Variants in NTRK2 observed in about 807,000 individuals in gnomAD.
The protein encoded by NTRK2 is BDNF/NT-3 growth factors receptor.
Under a neutral mutation model 94.5 loss-of-function variants are expected in NTRK2, and 13 were observed. The observed-to-expected ratio is 0.14, with a 90% CI of 0.09 to 0.22. The LOEUF is 0.22. NTRK2 is among the 10% of genes least tolerant of loss of function. NTRK2 has a pLI of 1.00. For synonymous variants in NTRK2, 372 were observed against 407.4 expected (o/e 0.91, Z 1.05); for missense variants, 639 against 1,071.2 (o/e 0.60, Z 5.63).
chr9:84,931,418 G>A (rs1338580327), intron 14 of NTRK2, among the ~76,000 whole-genome samples: 2 of 104,672 alleles, frequency 1.9e-5, no homozygotes, highest in African/African-American at 3.5e-5. Flanking sequence ...AAAAAAAAAA[G>A]AGAGAGAGAG....
intron 14 of NTRK2, chr9:84,876,834 T>C (rs1450154878): frequency 1.9e-6 from 2 of 1,062,560 alleles, no homozygotes; most frequent in Admixed American, 5.4e-5. Context: ...TCAGAATGTA[T>C]ACATTTAGTC....
intron 9 of NTRK2, among the ~76,000 whole-genome samples, chr9:84,737,088 A>G (rs1368090409): frequency 6.6e-6 from 1 of 152,250 alleles, no homozygotes; most frequent in Non-Finnish European, 1.5e-5. Context: ...AGAGTCTGCA[A>G]ATAGAATGGA....
At chr9:84,973,904 A>G (rs1192678975) in intron 17 of NTRK2, among the ~76,000 whole-genome samples, 6 of 152,218 alleles carry the variant, frequency 3.9e-5, no homozygotes, top group African/African-American at 1.4e-4. Flanking sequence ...ACAAAGATAC[A>G]GTTTCTCCTA....
chr9:84,855,581 A>AT (rs377152273), intron 12 of NTRK2, among the ~76,000 whole-genome samples: 1,634 of 133,710 alleles, frequency 0.012, 17 homozygotes, highest in South Asian at 0.043. Context: ...CCTCAAGCAT[A>AT]TTTTTTTTTT....
chr9:84,906,037 A>G (rs1192310498), intron 14 of NTRK2, among the ~76,000 whole-genome samples: 1 of 152,240 alleles, frequency 6.6e-6, no homozygotes, highest in Non-Finnish European at 1.5e-5. Context: ...TGTGTGAAGC[A>G]AAAGAGACAT....
At chr9:84,748,350 A>G (rs937737863) in intron 11 of NTRK2, among the ~76,000 whole-genome samples, 3 of 152,274 alleles carry the variant, frequency 2.0e-5, no homozygotes, top group Non-Finnish European at 4.4e-5. Context: ...TGGCTTCAGT[A>G]GCTTTAAGTA....
At chr9:84,686,506 C>A (rs766243647) in intron 2 of NTRK2, among the ~76,000 whole-genome samples, 1 of 152,184 alleles carries the variant, frequency 6.6e-6, no homozygotes, top group Non-Finnish European at 1.5e-5. Context: ...GTTTTCCCTG[C>A]GACTGCATTT....
intron 12 of NTRK2, among the ~76,000 whole-genome samples, chr9:84,771,968 A>G (rs139235015): frequency 9.8e-5 from 15 of 152,308 alleles, no homozygotes; most frequent in African/African-American, 3.6e-4. Context: ...CCTTTGAGGC[A>G]AGATAGAGTA....
chr9:84,968,773 C>A (rs1588075468), intron 17 of NTRK2, among the ~76,000 whole-genome samples: 3 of 152,248 alleles, frequency 2.0e-5, no homozygotes, highest in East Asian at 1.9e-4. Flanking sequence ...GTGAAGTATA[C>A]ATATTATTAA....
At chr9:84,818,179 G>A (rs898337731) in intron 12 of NTRK2, among the ~76,000 whole-genome samples, 30 of 152,138 alleles carry the variant, frequency 2.0e-4, no homozygotes, top group African/African-American at 4.8e-4. Context: ...CATGAGGGAC[G>A]TGCCTCAGGT....
chr9:84,759,710 T>C (rs994430064), intron 12 of NTRK2, among the ~76,000 whole-genome samples: 1 of 152,250 alleles, frequency 6.6e-6, no homozygotes, highest in Admixed American at 6.5e-5. Flanking sequence ...ACTTTCAAAA[T>C]CTGAAAATCT....
chr9:84,966,993 C>T (rs905005513), intron 17 of NTRK2, among the ~76,000 whole-genome samples: 19 of 152,162 alleles, frequency 1.2e-4, no homozygotes, highest in Admixed American at 1.2e-3. Context: ...CACTAGTGCA[C>T]AGTCATATCC....
intron 12 of NTRK2, among the ~76,000 whole-genome samples, chr9:84,834,058 G>C (rs1345999038): frequency 6.6e-6 from 1 of 152,110 alleles, no homozygotes; most frequent in Non-Finnish European, 1.5e-5. Context: ...GTGTTATACT[G>C]TCACCTGCCT....
chr9:84,747,833 C>T (rs1588335445), intron 11 of NTRK2, among the ~76,000 whole-genome samples: 1 of 152,118 alleles, frequency 6.6e-6, no homozygotes, highest in African/African-American at 2.4e-5. Flanking sequence ...ATTGGCATAT[C>T]TCCATCTATA....
At chr9:84,956,721 T>C (rs147490037) in intron 17 of NTRK2, among the ~76,000 whole-genome samples, 1 of 152,326 alleles carries the variant, frequency 6.6e-6, no homozygotes, top group East Asian at 1.9e-4. Flanking sequence ...TTATTTCCTG[T>C]TCCCCTTCCT....
chr9:84,707,827 T>G lies in NTRK2; in HGVS notation c.360-17T>G. 1.2e-6 allele frequency: 2 copies of G among 1,600,146 alleles called. No homozygotes were observed. The highest frequency in any genetic ancestry group is 2.2e-5 in the South Asian group (2 of 90,528). Reference sequence around the variant, plus strand: ...TAACATTTTAAATTCATGTTTAATGTTTTTGATTCCTTTCAGCAATTTTAC... The same window carrying G: ...TAACATTTTAAATTCATGTTTAATGGTTTTGATTCCTTTCAGCAATTTTAC... On this transcript the variant is annotated splice_polypyrimidine_tract_variant and intron_variant, in intron 4 of 18. Coordinates refer to ENST00000277120, the MANE Select transcript of NTRK2 (RefSeq NM_006180.6).
At chr9:84,815,003 G>C in intron 12 of NTRK2, 1 of 1,059,772 alleles carries the variant, frequency 9.4e-7, no homozygotes, top group Non-Finnish European at 1.1e-6. Context: ...CTTTTGGACA[G>C]ACCATGAATT....
intron 12 of NTRK2, among the ~76,000 whole-genome samples, chr9:84,860,161 A>G (rs907072143): frequency 2.6e-5 from 4 of 152,190 alleles, no homozygotes; most frequent in Non-Finnish European, 4.4e-5. Flanking sequence ...GAGGAGGGAA[A>G]CACAGTTACT....
chr9:84,741,830 G>T, intron 9 of NTRK2, 62 bp from the exon 10 acceptor site: 1 of 1,406,644 alleles, frequency 7.1e-7, no homozygotes, highest in Non-Finnish European at 1.0e-6. Context: ...GTTGACATAG[G>T]TTAGTAATTT....
Sources: gnomAD v4.1 joint callset for allele counts (sites outside exome capture counted in the v4.1 genomes callset) on GRCh38, gnomAD v4.1.1 for gene constraint, MANE v1.5 for transcripts, NCBI Gene and HGNC (gene_info 2026-07-23, HGNC 2026-07-21) for gene names.